STAG1: variants seen among roughly 807,000 people sequenced by gnomAD.
STAG1 encodes the protein STAG1 cohesin complex component, also known as cohesin subunit SA-1.
STAG1 carries 26 observed loss-of-function variants against 170.9 expected under a neutral mutation model. That is an observed-to-expected ratio of 0.15 (90% CI 0.11 to 0.21). The LOEUF (loss-of-function observed/expected upper bound fraction) is 0.21, where lower values mean the gene tolerates loss of function less well. Ranked by LOEUF, STAG1 falls within the 10% of genes least tolerant of loss-of-function variation. STAG1 has a pLI of 1.00. For missense variants in STAG1, 964 were observed against 1,509.5 expected (o/e 0.64, Z 5.99); for synonymous variants, 514 against 497.7 (o/e 1.03, Z -0.44).
At chr3:136,598,095 AG>A (rs1938510044) in intron 4 of STAG1, among the ~76,000 whole-genome samples, 3 of 152,314 alleles carry the variant, frequency 2.0e-5, no homozygotes, top group Admixed American at 2.0e-4. Flanking sequence ...TTATACTAAA[AG>A]ATTTTCTAAT....
intron 1 of STAG1, among the ~76,000 whole-genome samples, chr3:136,751,105 G>A (rs1032723639): frequency 1.3e-5 from 2 of 151,726 alleles, no homozygotes; most frequent in East Asian, 1.9e-4. Flanking sequence ...TCAGAATCAC[G>A]AGAATAAACT....
intron 4 of STAG1, among the ~76,000 whole-genome samples, 186 bp downstream of exon 4, chr3:136,604,123 T>TA (rs1466645067): frequency 2.0e-5 from 3 of 152,166 alleles, no homozygotes; most frequent in African/African-American, 7.2e-5. Context: ...AAGTACATCT[T>TA]ACGATTAAAC....
rs573500331 is a variant in STAG1 at position 136,487,641 on chromosome 3, T to C, written c.903-10229A>G. On this transcript the variant is annotated intron_variant, in intron 9 of 33. Transcript: ENST00000383202. ...ACTTTGACTGCTGACATCACCCTGA[T>C]AGATCATAATACATAACATATACAT... 9.2e-5 allele frequency among the ~76,000 whole-genome samples: 14 copies of C among 152,358 alleles called. No individual in the cohort carries two copies. In the South Asian group the frequency reaches 1.9e-3, roughly 20 times the overall value.
chr3:136,650,725 T>C (rs1002893107), intron 1 of STAG1, among the ~76,000 whole-genome samples: 1 of 152,024 alleles, frequency 6.6e-6, no homozygotes, highest in Non-Finnish European at 1.5e-5. Context: ...GGCAAACAAG[T>C]ATAAAGCTCT....
chr3:136,734,539 TG>T (rs952867733), intron 1 of STAG1, among the ~76,000 whole-genome samples: 11 of 152,346 alleles, frequency 7.2e-5, no homozygotes, highest in African/African-American at 2.4e-4. Context: ...TTCTGACCTA[TG>T]TTTGTCATTT....
intron 1 of STAG1, among the ~76,000 whole-genome samples, chr3:136,749,744 C>CAA (rs895920877): frequency 2.2e-4 from 19 of 87,192 alleles, no homozygotes; most frequent in South Asian, 1.7e-3. Flanking sequence ...GACTCCATCT[C>CAA]AAAAAAAAAA....
At chr3:136,714,466 C>T (rs1258242992) in intron 1 of STAG1, among the ~76,000 whole-genome samples, 4 of 151,866 alleles carry the variant, frequency 2.6e-5, no homozygotes, top group African/African-American at 2.4e-5. Context: ...TGGTGGCTCA[C>T]GCCTGTAATC....
intron 1 of STAG1, among the ~76,000 whole-genome samples, chr3:136,727,287 T>C (rs1250756051): frequency 6.6e-6 from 1 of 152,064 alleles, no homozygotes; most frequent in Non-Finnish European, 1.5e-5. Context: ...CCCAATCTCA[T>C]TCCCCATCTA....
intron 1 of STAG1, among the ~76,000 whole-genome samples, chr3:136,685,535 A>G (rs1178885580): frequency 1.3e-5 from 2 of 152,210 alleles, no homozygotes; most frequent in Admixed American, 1.3e-4. Context: ...AACTTTACAC[A>G]CAACTGACTG....
chr3:136,685,318 AAAACAAACAAAC>A (rs142305961), intron 1 of STAG1, among the ~76,000 whole-genome samples: 143 of 151,780 alleles, frequency 9.4e-4, no homozygotes, highest in African/African-American at 2.9e-3. Flanking sequence ...TTCCTCTCCA[AAAACAAACAAAC>A]AAACAAACAA....
At chr3:136,608,258 CAA>C (rs397875177) in intron 3 of STAG1, among the ~76,000 whole-genome samples, 3 of 125,152 alleles carry the variant, frequency 2.4e-5, no homozygotes, top group Non-Finnish European at 1.7e-5. Flanking sequence ...GACTCCATCT[CAA>C]AAAAAAAAAA....
intron 1 of STAG1, among the ~76,000 whole-genome samples, chr3:136,653,523 G>T (rs1576719342): frequency 6.6e-6 from 1 of 151,694 alleles, no homozygotes; most frequent in South Asian, 2.1e-4. Context: ...AACATTTATT[G>T]TGTGCCAGCC....
intron 1 of STAG1, among the ~76,000 whole-genome samples, chr3:136,742,986 A>G (rs955983278): frequency 2.0e-5 from 3 of 152,214 alleles, no homozygotes; most frequent in African/African-American, 7.2e-5. Context: ...AGCAGAAACC[A>G]ATGAGATACT....
chr3:136,522,299 A>G (rs1213850972), intron 6 of STAG1, among the ~76,000 whole-genome samples: 1 of 152,206 alleles, frequency 6.6e-6, no homozygotes, highest in East Asian at 1.9e-4. Context: ...CCAGATCCCA[A>G]GAACAGGTAA....
intron 1 of STAG1, among the ~76,000 whole-genome samples, chr3:136,744,888 C>T (rs1934858746): frequency 6.6e-6 from 1 of 152,132 alleles, no homozygotes; most frequent in South Asian, 2.1e-4. Context: ...GTTGGCCACA[C>T]TGGTCTCCAA....
chr3:136,402,594 G>A (rs1337521696), intron 21 of STAG1, among the ~76,000 whole-genome samples: 2 of 151,870 alleles, frequency 1.3e-5, no homozygotes, highest in Admixed American at 1.3e-4. Context: ...ATTTTGGCAG[G>A]CCGAGGCGGG....
intron 21 of STAG1, among the ~76,000 whole-genome samples, chr3:136,404,814 G>C (rs1308329652): frequency 6.6e-6 from 1 of 151,964 alleles, no homozygotes; most frequent in South Asian, 2.1e-4. Flanking sequence ...GGAAAACAAA[G>C]TCTGAATTAA....
intron 5 of STAG1, among the ~76,000 whole-genome samples, chr3:136,558,459 T>C (rs1417539515): frequency 1.3e-5 from 2 of 152,188 alleles, no homozygotes; most frequent in Non-Finnish European, 2.9e-5. Flanking sequence ...ATACAGTAAT[T>C]TGTAGAAGAC....
intron 21 of STAG1, among the ~76,000 whole-genome samples, chr3:136,416,050 C>T (rs1559787480): frequency 6.6e-6 from 1 of 151,932 alleles, no homozygotes; most frequent in African/African-American, 2.4e-5. Flanking sequence ...GCTCATCGCC[C>T]AGGCTGGAGT....
Sources: gnomAD v4.1 joint callset for allele counts (sites outside exome capture counted in the v4.1 genomes callset) on GRCh38, gnomAD v4.1.1 for gene constraint, MANE v1.5 for transcripts, NCBI Gene and HGNC (gene_info 2026-07-23, HGNC 2026-07-21) for gene names.